TBC1D5: variants seen among roughly 807,000 people sequenced by gnomAD.
The protein encoded by TBC1D5 is TBC1 domain family, member 5.
A neutral mutation model predicts 100.3 loss-of-function variants in TBC1D5; 75 were observed. The ratio of observed to expected loss-of-function variants is 0.75; its 90% CI spans 0.62 to 0.91. The LOEUF (loss-of-function observed/expected upper bound fraction) is 0.91, where lower values mean the gene tolerates loss of function less well. Among genes scored for constraint, TBC1D5 ranks in the 40% least tolerant of loss-of-function variants. The pLI is 0.00. For synonymous variants in TBC1D5, 323 were observed against 325.6 expected (o/e 0.99, Z 0.09); for missense variants, 910 against 942.4 (o/e 0.97, Z 0.45).
At chr3:17,514,725 C>A (rs1385349892) in intron 2 of TBC1D5, among the ~76,000 whole-genome samples, 2 of 152,046 alleles carry the variant, frequency 1.3e-5, no homozygotes, top group African/African-American at 4.8e-5. Flanking sequence ...ACACTTGTGA[C>A]CACATAAACC....
At chr3:17,567,381 C>G (rs1205053268) in intron 2 of TBC1D5, among the ~76,000 whole-genome samples, 1 of 151,666 alleles carries the variant, frequency 6.6e-6, no homozygotes, top group Non-Finnish European at 1.5e-5. Flanking sequence ...CTCCTAGCAC[C>G]ATCTGTTACC....
At chr3:17,422,818 T>C (rs1215744168) in intron 4 of TBC1D5, among the ~76,000 whole-genome samples, 1 of 152,184 alleles carries the variant, frequency 6.6e-6, no homozygotes, top group Admixed American at 6.5e-5. Context: ...ATTTTTCAAA[T>C]TTATTGATTA....
intron 19 of TBC1D5, among the ~76,000 whole-genome samples, chr3:17,171,538 C>A (rs1313097352): frequency 1.3e-5 from 2 of 152,118 alleles, no homozygotes; most frequent in African/African-American, 4.8e-5. Flanking sequence ...TGTCAACAAT[C>A]CTTGGCATTC....
intron 8 of TBC1D5, among the ~76,000 whole-genome samples, chr3:17,399,339 C>G (rs753921679): frequency 2.0e-5 from 3 of 151,964 alleles, no homozygotes; most frequent in Non-Finnish European, 4.4e-5. Context: ...AACAATTAAA[C>G]AAGTAAGTGA....
chr3:17,316,180 C>T (rs1453911083), intron 13 of TBC1D5, among the ~76,000 whole-genome samples: 1 of 152,120 alleles, frequency 6.6e-6, no homozygotes, highest in Non-Finnish European at 1.5e-5. Flanking sequence ...GCTTCTCAGC[C>T]TATGCCTGTC....
intron 15 of TBC1D5, among the ~76,000 whole-genome samples, chr3:17,290,404 C>A (rs1228167875): frequency 1.3e-5 from 2 of 152,042 alleles, no homozygotes; most frequent in Non-Finnish European, 2.9e-5. Context: ...AAACATCAAC[C>A]ATATTTAGCT....
chr3:17,305,488 T>C (rs1165347725), intron 14 of TBC1D5, among the ~76,000 whole-genome samples: 2 of 152,218 alleles, frequency 1.3e-5, no homozygotes, highest in African/African-American at 2.4e-5. Context: ...CCCTATTCTT[T>C]GCAGGTGGCA....
intron 18 of TBC1D5, among the ~76,000 whole-genome samples, chr3:17,211,014 T>C (rs2072916743): frequency 6.6e-6 from 1 of 152,256 alleles, no homozygotes; most frequent in Admixed American, 6.5e-5. Context: ...AAAAATCTAT[T>C]AAAATATGAT....
chr3:17,211,044 A>ATAGCCTGTTTCCT (rs780263660), intron 18 of TBC1D5, among the ~76,000 whole-genome samples: 17 of 152,362 alleles, frequency 1.1e-4, no homozygotes, highest in Non-Finnish European at 2.9e-5. Context: ...CTTGTTCTGC[A>ATAGCCTGTTTCCT]TAGCCTGTTT....
At chr3:17,310,731 T>C (rs1354201308) in intron 13 of TBC1D5, among the ~76,000 whole-genome samples, 1 of 152,004 alleles carries the variant, frequency 6.6e-6, no homozygotes, top group Non-Finnish European at 1.5e-5. Context: ...AATTTATCAT[T>C]AGATGCCTAG....
chr3:17,637,804 G>A (rs141090532), intron 1 of TBC1D5, among the ~76,000 whole-genome samples: 23 of 152,156 alleles, frequency 1.5e-4, no homozygotes, highest in Middle Eastern at 6.8e-3. Context: ...CTTACTGAGC[G>A]GTAATTTAGA....
chr3:17,372,373 A>T, intron 12 of TBC1D5, 126 bp from the exon 13 acceptor site: 1 of 819,728 alleles, frequency 1.2e-6, no homozygotes, highest in Non-Finnish European at 1.7e-6. Flanking sequence ...ATTCTTAAAA[A>T]AAGGTGAGAG....
intron 1 of TBC1D5, among the ~76,000 whole-genome samples, chr3:17,716,088 C>A (rs550907196): frequency 6.6e-6 from 1 of 152,068 alleles, no homozygotes; most frequent in African/African-American, 2.4e-5. Context: ...AAAAGTTGGG[C>A]ATGGGCTGAG....
At chr3:17,392,499 G>A (rs1033849674) in intron 8 of TBC1D5, among the ~76,000 whole-genome samples, 2 of 151,956 alleles carry the variant, frequency 1.3e-5, no homozygotes, top group African/African-American at 2.4e-5. Context: ...TTCTCCTAAC[G>A]CTATCCTTCC....
intron 2 of TBC1D5, among the ~76,000 whole-genome samples, chr3:17,564,055 T>C (rs1302040050): frequency 1.3e-5 from 2 of 152,240 alleles, no homozygotes; most frequent in East Asian, 1.9e-4. Flanking sequence ...GTGCTGGGAT[T>C]ACAGGCATGA....
intron 2 of TBC1D5, among the ~76,000 whole-genome samples, chr3:17,552,495 A>G (rs2096482836): frequency 6.6e-6 from 1 of 152,154 alleles, no homozygotes; most frequent in South Asian, 2.1e-4. Flanking sequence ...GCAAATCATG[A>G]AAGAAGACAT....
At chr3:17,371,195 G>A (rs1334251011) in intron 13 of TBC1D5, among the ~76,000 whole-genome samples, 1 of 152,068 alleles carries the variant, frequency 6.6e-6, no homozygotes, top group African/African-American at 2.4e-5. Context: ...GGTCATTATG[G>A]TCTCTGAGAG....
At chr3:17,325,321 ATCT>A (rs2085953716) in intron 13 of TBC1D5, among the ~76,000 whole-genome samples, 1 of 136,196 alleles carries the variant, frequency 7.3e-6, no homozygotes, top group African/African-American at 2.7e-5. Flanking sequence ...ATATGGATGA[ATCT>A]TTTTTTTTTT....
chr3:17,319,435 G>GTTTT (rs35059577), intron 13 of TBC1D5, among the ~76,000 whole-genome samples: 6 of 138,198 alleles, frequency 4.3e-5, no homozygotes, highest in African/African-American at 1.6e-4. Flanking sequence ...TAATTTATAG[G>GTTTT]TTTTTTTTTT....
Sources: allele counts gnomAD v4.1 joint callset (sites outside exome capture counted in the v4.1 genomes callset), GRCh38; gene constraint gnomAD v4.1.1; transcripts MANE v1.5; gene names NCBI Gene and HGNC (gene_info 2026-07-23, HGNC 2026-07-21).